PDZD8: variants seen among roughly 807,000 people sequenced by gnomAD.
PDZD8 encodes the protein PDZ domain-containing protein 8.
PDZD8 carries 14 observed loss-of-function variants against 85.8 expected under a neutral mutation model. That is an observed-to-expected ratio of 0.16 (90% CI 0.11 to 0.26). PDZD8 has a LOEUF of 0.26. Among genes scored for constraint, PDZD8 ranks in the 10% least tolerant of loss-of-function variants. The pLI, the probability that PDZD8 is intolerant of heterozygous loss-of-function variation, is 1.00. For missense variants in PDZD8, 1,197 were observed against 1,424.3 expected (o/e 0.84, Z 2.57); for synonymous variants, 592 against 568.6 (o/e 1.04, Z -0.59).
intron 2 of PDZD8, among the ~76,000 whole-genome samples, chr10:117,330,499 G>A (rs936929052): frequency 1.3e-5 from 2 of 152,086 alleles, no homozygotes; most frequent in African/African-American, 4.8e-5. Context: ...GCAGATCAAC[G>A]TCAATGGATA....
intron 1 of PDZD8, among the ~76,000 whole-genome samples, chr10:117,357,266 G>A (rs532539242): frequency 3.3e-5 from 5 of 152,152 alleles, no homozygotes; most frequent in Non-Finnish European, 5.9e-5. Context: ...GTGGTGGCAT[G>A]CACCTGTAGT....
intron 3 of PDZD8, among the ~76,000 whole-genome samples, chr10:117,318,570 T>C (rs541481770): frequency 6.6e-6 from 1 of 152,334 alleles, no homozygotes; most frequent in African/African-American, 2.4e-5. Context: ...TGAATTCACA[T>C]GTATTTGAAG....
Position 117,295,088 on chromosome 10 carries a change from T to C in PDZD8, c.1099-4740A>G, listed in dbSNP as rs573534765. Reference sequence around the variant, plus strand: ...TTGAGCTGGGAAGGTGGAGGTTGCATTGAGCCATGACTGCACCACTACAGT... The same window carrying C: ...TTGAGCTGGGAAGGTGGAGGTTGCACTGAGCCATGACTGCACCACTACAGT... On this transcript the variant is annotated intron_variant, in intron 3 of 4. Coordinates refer to ENST00000334464, the MANE Select transcript of PDZD8 (RefSeq NM_173791.5). Among the ~76,000 whole-genome samples the C allele has an allele frequency of 3.9e-5, 6 of 152,136 alleles. No homozygotes were observed. In the East Asian group the frequency reaches 5.8e-4, roughly 15 times the overall value.
At chr10:117,338,911 C>A (rs912597435) in intron 2 of PDZD8, among the ~76,000 whole-genome samples, 1 of 152,116 alleles carries the variant, frequency 6.6e-6, no homozygotes, top group African/African-American at 2.4e-5. Flanking sequence ...GACATATAAT[C>A]AATACCTAAC....
intron 2 of PDZD8, among the ~76,000 whole-genome samples, chr10:117,333,311 A>G (rs1452865838): frequency 6.6e-6 from 1 of 152,122 alleles, no homozygotes; most frequent in African/African-American, 2.4e-5. Flanking sequence ...AGAGCTGAAA[A>G]TAATACATGC....
At chr10:117,349,823 AT>A (rs1448897438) in intron 1 of PDZD8, among the ~76,000 whole-genome samples, 3 of 152,138 alleles carry the variant, frequency 2.0e-5, no homozygotes, top group African/African-American at 7.2e-5. Flanking sequence ...AAATAAAAAA[AT>A]AAAAATAAAT....
rs571706489 is a variant in PDZD8 at position 117,280,064 on chromosome 10, A to G, written c.*3204T>C. The G allele has an allele frequency of 1.3e-5, 2 of 152,256 alleles. No individual in the cohort carries two copies. The highest frequency in any genetic ancestry group is 2.1e-4 in the South Asian group (1 of 4,820). The allele number at this position is 152,256 out of a possible 1,614,324, so 9.4% of individuals were successfully genotyped here. A position where few individuals can be genotyped will look rare whatever the true frequency, so the allele number is the denominator to read the frequency against. On this transcript the variant is annotated 3_prime_UTR_variant, in exon 5 of 5. Transcript: ENST00000334464. The stretch of plus-strand genomic sequence containing the variant: ...AAAAAAATTCAGCTATACATTTAGA[A>G]CTTGATAGTACCCCTCAAAATTTTT...
At chr10:117,319,031 T>C in intron 2 of PDZD8, 57 bp from the exon 3 acceptor site, 1 of 1,209,860 alleles carries the variant, frequency 8.3e-7, no homozygotes, top group Non-Finnish European at 1.2e-6. Flanking sequence ...CATTAAAATT[T>C]TTCTTTCTGA....
intron 2 of PDZD8, among the ~76,000 whole-genome samples, chr10:117,332,877 G>A (rs1021289179): frequency 6.6e-6 from 1 of 150,888 alleles, no homozygotes; most frequent in South Asian, 2.1e-4. Context: ...CAGCACTTTG[G>A]GGGGCCAAGG....
intron 1 of PDZD8, among the ~76,000 whole-genome samples, chr10:117,368,918 C>T (rs1159474452): frequency 2.2e-5 from 3 of 137,772 alleles, no homozygotes; most frequent in South Asian, 2.3e-4. Context: ...TACAGTGGCG[C>T]AATCTTGGCT....
In PDZD8 at chr10:117,375,096, G is replaced by A; in HGVS notation, c.132C>T (p.Gly44=). 6.3e-7 allele frequency: 1 copy of A among 1,597,066 alleles called. No homozygotes were observed. The highest frequency in any genetic ancestry group is 8.5e-7 in the Non-Finnish European group (1 of 1,176,394). ...CCGGCACTGGCTTGATGTAGCGGAA[G>A]CCCTCGCCCGCGCGGGCGGCCTCGT... The part of the protein sequence containing the change: ...PADEAARAGE[G]FRYIKPVPGL... Residue 44 remains glycine, a synonymous_variant, in exon 1 of 5, where the codon GGC becomes GGT. Coordinates refer to ENST00000334464, the MANE Select transcript of PDZD8 (RefSeq NM_173791.5).
At chr10:117,314,605 C>T (rs1016405120) in intron 3 of PDZD8, among the ~76,000 whole-genome samples, 5 of 152,170 alleles carry the variant, frequency 3.3e-5, no homozygotes, top group African/African-American at 1.2e-4. Context: ...CTCCTAATGC[C>T]TTTAACCACA....
At chr10:117,289,849 GA>G (rs914834619) in intron 4 of PDZD8, among the ~76,000 whole-genome samples, 2 of 152,112 alleles carry the variant, frequency 1.3e-5, no homozygotes, top group East Asian at 3.9e-4. Context: ...CGTACAGAAA[GA>G]TAACCTGTTT....
chr10:117,335,492 A>C (rs1844500900), intron 2 of PDZD8, among the ~76,000 whole-genome samples: 1 of 152,214 alleles, frequency 6.6e-6, no homozygotes, highest in Admixed American at 6.5e-5. Context: ...GGCAAAAATA[A>C]CACCACTGAT....
At chr10:117,350,891 GAAAA>G (rs11315947) in intron 1 of PDZD8, among the ~76,000 whole-genome samples, 1 of 127,670 alleles carries the variant, frequency 7.8e-6, no homozygotes, top group African/African-American at 2.9e-5. Flanking sequence ...GTGACAAAGT[GAAAA>G]AAAAAAAAAA....
At chr10:117,331,669 GA>G (rs2133830865) in intron 2 of PDZD8, among the ~76,000 whole-genome samples, 1 of 152,206 alleles carries the variant, frequency 6.6e-6, no homozygotes, top group Admixed American at 6.5e-5. Context: ...AAACATTTTG[GA>G]GTATGGCATT....
At position 117,283,580 on chromosome 10, in the gene PDZD8, C is replaced by T. The variant is rs1430271943; in HGVS notation, c.3153G>A (p.Leu1051=). The change falls in exon 5 of 5, where the codon TTG becomes TTA. Residue 1051 remains leucine (L), a synonymous_variant. Transcript: ENST00000334464. The stretch of plus-strand genomic sequence containing the variant: ...CTCTAACAAGGGAATTATTGTGTTC[C>T]AACTCCTGATCAATTTCATTCTGTA... ...DKLQNEIDQE[L]EHNNSLVREE... The T allele has an allele frequency of 1.9e-6, 3 of 1,614,122 alleles. No individual in the cohort carries two copies. The highest frequency in any genetic ancestry group is 2.2e-5 in the South Asian group (2 of 91,074).
chr10:117,325,404 CTTT>C lies in PDZD8; in HGVS notation c.996-6433_996-6431del, dbSNP rs71013659. 2.6e-4 allele frequency among the ~76,000 whole-genome samples: 26 copies of C among 99,824 alleles called. 2 individuals carry two copies. In the Admixed American group the frequency reaches 3.0e-3, roughly 12 times the overall value. 65.5% of individuals were successfully genotyped at this position (99,824 alleles called of 152,430 possible). On this transcript the variant is annotated intron_variant, in intron 2 of 4. Coordinates refer to ENST00000334464, the MANE Select transcript of PDZD8 (RefSeq NM_173791.5). ...CTATCAAAAGTTCCAGAAAAGCCAACTTTTTTTTTTTTTTTTGAGACAGAGTCT... is the reference window on the plus strand; with the variant it reads ...CTATCAAAAGTTCCAGAAAAGCCAACTTTTTTTTTTTTTGAGACAGAGTCT...
rs115067434 is a variant in PDZD8, at chr10:117,283,532, T to C, written c.3201A>G (p.Thr1067=). ...CAGCAGAAAGAAGTGATTTTTTCCT[T>C]GTATCAGTTGTCTCTTTTTCTTCTC... ...LVREEKETTD[T]RKKSLLSAAL... Residue 1067 remains threonine (T), a synonymous_variant, in exon 5 of 5, where the codon ACA becomes ACG. Coordinates refer to ENST00000334464, the MANE Select transcript of PDZD8 (RefSeq NM_173791.5). 169 of 1,614,242 alleles carry C rather than the reference T, an allele frequency of 1.0e-4. 2 individuals are homozygous for C. The African/African-American group carries it at 2.1e-3, about 20-fold the overall frequency.
Sources: allele counts gnomAD v4.1 joint callset (sites outside exome capture counted in the v4.1 genomes callset), GRCh38; gene constraint gnomAD v4.1.1; transcripts MANE v1.5; gene names NCBI Gene and HGNC (gene_info 2026-07-23, HGNC 2026-07-21).